The following ARSB variants were observed in gnomAD, a reference collection of about 807,000 sequenced individuals.
The protein encoded by ARSB is N-acetylgalactosamine-4-sulfatase.
ARSB carries 41 observed loss-of-function variants against 50.9 expected under a neutral mutation model. The observed-to-expected ratio is 0.81, with a 90% CI of 0.63 to 1.04. The LOEUF is 1.04. Among genes scored for constraint, ARSB ranks in the 50% least tolerant of loss-of-function variants. ARSB has a pLI of 0.00. For synonymous variants in ARSB, 269 were observed against 284.8 expected, an observed-to-expected ratio of 0.94 and a Z score of 0.56; for missense variants, 672 against 693.3, an observed-to-expected ratio of 0.97 and a Z score of 0.35.
At chr5:78,857,689 C>A (rs190268283) in intron 5 of ARSB, among the ~76,000 whole-genome samples, 1 of 152,104 alleles carries the variant, frequency 6.6e-6, no homozygotes, top group Non-Finnish European at 1.5e-5. Flanking sequence ...CAATGTTTAC[C>A]CCCATCCCAG....
chr5:78,940,297 T>G (rs1417593191), intron 4 of ARSB, among the ~76,000 whole-genome samples: 2 of 152,214 alleles, frequency 1.3e-5, no homozygotes, highest in Non-Finnish European at 2.9e-5. Context: ...TAGATCCCAT[T>G]TGTCTATTTT....
At chr5:78,943,108 C>T (rs1183299081) in intron 4 of ARSB, among the ~76,000 whole-genome samples, 3 of 152,098 alleles carry the variant, frequency 2.0e-5, no homozygotes, top group African/African-American at 7.2e-5. Context: ...GCAATCCCTG[C>T]CTTTTTTTGT....
At chr5:78,938,603 T>C (rs58776119) in intron 4 of ARSB, among the ~76,000 whole-genome samples, 1,592 of 152,352 alleles carry the variant, frequency 0.01, 22 homozygotes, top group African/African-American at 0.031. Flanking sequence ...CATATAACTT[T>C]GTTCCTGGCA....
At chr5:78,802,342 A>C (rs1743422975) in intron 6 of ARSB, among the ~76,000 whole-genome samples, 1 of 151,416 alleles carries the variant, frequency 6.6e-6, no homozygotes. Context: ...ATTAAATTAA[A>C]TATATTTAAT....
chr5:78,870,809 G>A (rs1747110958), intron 5 of ARSB, among the ~76,000 whole-genome samples: 1 of 151,726 alleles, frequency 6.6e-6, no homozygotes, highest in African/African-American at 2.4e-5. Flanking sequence ...TGGAAGTTCT[G>A]GCCAGGGCAA....
intron 4 of ARSB, among the ~76,000 whole-genome samples, chr5:78,937,697 G>C (rs1161500450): frequency 1.3e-5 from 2 of 151,574 alleles, no homozygotes; most frequent in African/African-American, 4.9e-5. Flanking sequence ...TCAATGGTTT[G>C]ACACAGAGAA....
At chr5:78,877,434 G>C (rs1747537141) in intron 5 of ARSB, among the ~76,000 whole-genome samples, 2 of 152,078 alleles carry the variant, frequency 1.3e-5, no homozygotes, top group African/African-American at 4.8e-5. Flanking sequence ...TGTTGCTCAG[G>C]TTGGAGTGCA....
intron 4 of ARSB, among the ~76,000 whole-genome samples, chr5:78,915,060 G>C (rs988224322): frequency 2.6e-5 from 4 of 152,154 alleles, no homozygotes; most frequent in Admixed American, 2.0e-4. Context: ...CTTGCTCCTT[G>C]TTCCTTATGT....
rs536959032 is a variant in ARSB, at chr5:78,977,820, T to TAC, written c.312+7115_312+7116dup. Among the ~76,000 whole-genome samples, 9 of 152,104 alleles carry TAC rather than the reference T, an allele frequency of 5.9e-5. No individual in the cohort carries two copies. In the East Asian group the frequency reaches 7.7e-4, roughly 13 times the overall value. ...TTGCACTAAAAAACTCTAAAGATTATACACACACACACAATTAGGGCTAAC... is the reference window on the plus strand; with the variant it reads ...TTGCACTAAAAAACTCTAAAGATTATACACACACACACACAATTAGGGCTAAC... On this transcript the variant is annotated intron_variant, in intron 1 of 7. Coordinates refer to ENST00000264914, the MANE Select transcript of ARSB (RefSeq NM_000046.5).
chr5:78,959,849 T>C (rs1363488631), intron 3 of ARSB, among the ~76,000 whole-genome samples: 1 of 152,180 alleles, frequency 6.6e-6, no homozygotes, highest in Non-Finnish European at 1.5e-5. Context: ...TGGAATGAAT[T>C]AACTAGGACT....
chr5:78,947,151 T>C (rs1454446253), intron 4 of ARSB, among the ~76,000 whole-genome samples: 1 of 152,136 alleles, frequency 6.6e-6, no homozygotes, highest in Non-Finnish European at 1.5e-5. Flanking sequence ...AAGACTTAAG[T>C]CTAAGAACAC....
At chr5:78,872,587 A>G (rs1747260170) in intron 5 of ARSB, among the ~76,000 whole-genome samples, 1 of 140,010 alleles carries the variant, frequency 7.1e-6, no homozygotes, top group Non-Finnish European at 1.5e-5. Flanking sequence ...AACACCGCAT[A>G]TTCTCACTCA....
At chr5:78,805,930 A>G (rs984873403) in intron 6 of ARSB, among the ~76,000 whole-genome samples, 1 of 152,244 alleles carries the variant, frequency 6.6e-6, no homozygotes, top group African/African-American at 2.4e-5. Flanking sequence ...TTGGGCTCCC[A>G]GAGTCCCTGC....
At chr5:78,789,884 T>C (rs1749190789) in intron 6 of ARSB, among the ~76,000 whole-genome samples, 1 of 152,134 alleles carries the variant, frequency 6.6e-6, no homozygotes, top group Non-Finnish European at 1.5e-5. Flanking sequence ...GAGGAATATG[T>C]TTCCACCAGA....
At chr5:78,951,426 T>C (rs944441314) in intron 4 of ARSB, among the ~76,000 whole-genome samples, 3 of 151,954 alleles carry the variant, frequency 2.0e-5, no homozygotes, top group East Asian at 1.9e-4. Context: ...ATAATCTATG[T>C]TGGAGATATT....
intron 4 of ARSB, among the ~76,000 whole-genome samples, chr5:78,913,721 T>C (rs1210120678): frequency 6.6e-6 from 1 of 152,204 alleles, no homozygotes; most frequent in Non-Finnish European, 1.5e-5. Context: ...TCTGCTACTA[T>C]GTGTACATGT....
intron 6 of ARSB, among the ~76,000 whole-genome samples, chr5:78,831,059 A>T (rs1186438931): frequency 6.6e-6 from 1 of 152,172 alleles, no homozygotes; most frequent in Non-Finnish European, 1.5e-5. Flanking sequence ...AAAACTAGAG[A>T]AATACATAAA....
chr5:78,873,248 GA>G (rs1268346614), intron 5 of ARSB, among the ~76,000 whole-genome samples: 1 of 151,776 alleles, frequency 6.6e-6, no homozygotes, highest in African/African-American at 2.4e-5. Flanking sequence ...AGGGAACTGG[GA>G]AAAAAAGGAC....
At position 78,858,600 on chromosome 5, in the gene ARSB, C is replaced by T. The variant is rs189533638; in HGVS notation, c.1143-19174G>A. The stretch of plus-strand genomic sequence containing the variant: ...GGTATTACATTCCATACTTCTTTTA[C>T]CACTAACTGCTGACCATCTGTCATA... On this transcript the variant is annotated intron_variant, in intron 5 of 7. Transcript: ENST00000264914. 2.0e-5 allele frequency among the ~76,000 whole-genome samples: 3 copies of T among 152,276 alleles called. No individual in the cohort carries two copies. The East Asian group carries it at 5.8e-4, about 29-fold the overall frequency.
Sources: gnomAD v4.1 joint callset for allele counts (sites outside exome capture counted in the v4.1 genomes callset) on GRCh38, gnomAD v4.1.1 for gene constraint, MANE v1.5 for transcripts, NCBI Gene and HGNC (gene_info 2026-07-23, HGNC 2026-07-21) for gene names.